CTNND2: variants seen among roughly 807,000 people sequenced by gnomAD.
CTNND2 encodes the protein catenin delta 2, also known as catenin delta-2.
A neutral mutation model predicts 144.4 loss-of-function variants in CTNND2; 22 were observed. The ratio of observed to expected loss-of-function variants is 0.15; its 90% CI spans 0.11 to 0.22. The LOEUF (loss-of-function observed/expected upper bound fraction) is 0.22, where lower values mean the gene tolerates loss of function less well. Ranked by LOEUF, CTNND2 falls within the 10% of genes least tolerant of loss-of-function variation. The pLI, the probability that CTNND2 is intolerant of heterozygous loss-of-function variation, is 1.00. For missense variants in CTNND2, 1,353 were observed against 1,618.8 expected, an observed-to-expected ratio of 0.84 and a Z score of 2.82; for synonymous variants, 751 against 695.6, an observed-to-expected ratio of 1.08 and a Z score of -1.25.
chr5:11,307,796 A>G (rs1750408862), intron 9 of CTNND2, among the ~76,000 whole-genome samples: 1 of 152,184 alleles, frequency 6.6e-6, no homozygotes, highest in South Asian at 2.1e-4. Context: ...TTACTGCATA[A>G]TTATTGATTG....
At chr5:11,194,512 G>T in intron 11 of CTNND2, among the ~76,000 whole-genome samples, 1 of 152,230 alleles carries the variant, frequency 6.6e-6, no homozygotes, top group Admixed American at 6.5e-5. Flanking sequence ...ACACTTAAAA[G>T]ACTCCCCACT....
At chr5:11,605,279 C>T (rs886959172) in intron 2 of CTNND2, among the ~76,000 whole-genome samples, 31 of 152,318 alleles carry the variant, frequency 2.0e-4, no homozygotes, top group African/African-American at 7.0e-4. Context: ...TTAAATTATA[C>T]ACAATGACCA....
At chr5:11,685,513 T>TA (rs1369437676) in intron 2 of CTNND2, among the ~76,000 whole-genome samples, 3 of 152,230 alleles carry the variant, frequency 2.0e-5, no homozygotes, top group Non-Finnish European at 4.4e-5. Context: ...GATTGGGATA[T>TA]AACAATTCAT....
chr5:11,392,275 A>G lies in CTNND2; in HGVS notation c.612+4756T>C, dbSNP rs376754873. On this transcript the variant is annotated intron_variant, in intron 6 of 21. Coordinates refer to ENST00000304623, the MANE Select transcript of CTNND2 (RefSeq NM_001332.4). ...AAAACTGATTAGGATCATTATCAGT[A>G]AATGTTCTGAAAAGTATTTCATATG... Among the ~76,000 whole-genome samples the G allele has an allele frequency of 2.6e-5, 4 of 152,350 alleles. 1 individual carries two copies. The highest frequency in any genetic ancestry group is 9.6e-5 in the African/African-American group (4 of 41,588).
chr5:11,319,852 A>G (rs1751861637), intron 9 of CTNND2, among the ~76,000 whole-genome samples: 1 of 152,176 alleles, frequency 6.6e-6, no homozygotes, highest in African/African-American at 2.4e-5. Context: ...GTATTTTTTC[A>G]TGTATTTGTT....
intron 9 of CTNND2, among the ~76,000 whole-genome samples, chr5:11,333,304 C>T (rs1392920703): frequency 1.3e-5 from 2 of 151,880 alleles, no homozygotes; most frequent in Non-Finnish European, 2.9e-5. Context: ...CACTCTGTTG[C>T]CCAGGCTGGA....
intron 9 of CTNND2, among the ~76,000 whole-genome samples, chr5:11,252,084 C>T (rs258623): frequency 0.01 from 1,579 of 152,300 alleles, 21 homozygotes; most frequent in African/African-American, 0.036. Context: ...AGTAGCATTA[C>T]TGAAAATGCT....
chr5:11,484,125 A>C (rs564285277), intron 3 of CTNND2, among the ~76,000 whole-genome samples: 2 of 152,306 alleles, frequency 1.3e-5, no homozygotes, highest in African/African-American at 4.8e-5. Flanking sequence ...TGCACAAATG[A>C]ATGAAGTGCT....
chr5:11,052,326 C>G (rs1011125533), intron 16 of CTNND2, among the ~76,000 whole-genome samples: 1 of 152,104 alleles, frequency 6.6e-6, no homozygotes, highest in Non-Finnish European at 1.5e-5. Flanking sequence ...CCAATACTCC[C>G]CTGACACACA....
At chr5:11,264,413 C>T (rs1745234653) in intron 9 of CTNND2, among the ~76,000 whole-genome samples, 1 of 152,146 alleles carries the variant, frequency 6.6e-6, no homozygotes, top group African/African-American at 2.4e-5. Flanking sequence ...CCATGGGATA[C>T]AGTTTGCTGA....
chr5:11,075,629 C>A (rs1748862867), intron 16 of CTNND2, among the ~76,000 whole-genome samples: 1 of 152,216 alleles, frequency 6.6e-6, no homozygotes, highest in African/African-American at 2.4e-5. Flanking sequence ...GAAACTGTGG[C>A]AAGTTGCCAC....
intron 15 of CTNND2, among the ~76,000 whole-genome samples, chr5:11,093,868 G>T (rs1361385423): frequency 6.6e-6 from 1 of 151,992 alleles, no homozygotes; most frequent in East Asian, 1.9e-4. Context: ...TTATCTGTTT[G>T]GTTTCTGGAC....
chr5:11,858,604 C>T (rs1795355326), intron 1 of CTNND2, among the ~76,000 whole-genome samples: 2 of 152,156 alleles, frequency 1.3e-5, no homozygotes, highest in Non-Finnish European at 1.5e-5. Context: ...TTACTATCCA[C>T]GTTTAATCAA....
chr5:11,043,662 CTT>C (rs1744921646), intron 16 of CTNND2, among the ~76,000 whole-genome samples: 1 of 152,048 alleles, frequency 6.6e-6, no homozygotes, highest in African/African-American at 2.4e-5. Context: ...ATTAAAATGA[CTT>C]ATTGTTATAT....
intron 2 of CTNND2, among the ~76,000 whole-genome samples, chr5:11,695,374 G>C (rs1050799872): frequency 3.9e-5 from 6 of 152,290 alleles, no homozygotes; most frequent in Middle Eastern, 6.8e-3. Flanking sequence ...TTTGTGTCTT[G>C]AGAGCTGTGT....
At chr5:11,888,748 CTT>C (rs566356140) in intron 1 of CTNND2, among the ~76,000 whole-genome samples, 19 of 134,634 alleles carry the variant, frequency 1.4e-4, no homozygotes, top group Admixed American at 1.5e-4. Flanking sequence ...CAGAATGACT[CTT>C]TTTTTTTTTT....
At chr5:11,114,289 C>T (rs1753324730) in intron 13 of CTNND2, among the ~76,000 whole-genome samples, 2 of 151,650 alleles carry the variant, frequency 1.3e-5, no homozygotes, top group East Asian at 1.9e-4. Context: ...AATAAATCTG[C>T]AGTTGGGAAA....
At chr5:11,259,277 T>A (rs534181006) in intron 9 of CTNND2, among the ~76,000 whole-genome samples, 1 of 152,272 alleles carries the variant, frequency 6.6e-6, no homozygotes, top group African/African-American at 2.4e-5. Flanking sequence ...CCTCTCTGTG[T>A]GTATATGTGG....
intron 1 of CTNND2, among the ~76,000 whole-genome samples, chr5:11,877,958 A>C (rs1343383900): frequency 6.6e-6 from 1 of 152,134 alleles, no homozygotes; most frequent in Non-Finnish European, 1.5e-5. Flanking sequence ...CAGCATGCAA[A>C]ATTCTGAGAC....
Sources: gnomAD v4.1 joint callset for allele counts (sites outside exome capture counted in the v4.1 genomes callset) on GRCh38, gnomAD v4.1.1 for gene constraint, MANE v1.5 for transcripts, NCBI Gene and HGNC (gene_info 2026-07-23, HGNC 2026-07-21) for gene names.